ADGRL2: variants seen among roughly 807,000 people sequenced by gnomAD.
ADGRL2 encodes the protein adhesion G protein-coupled receptor L2.
Under a neutral mutation model 157.4 loss-of-function variants are expected in ADGRL2, and 44 were observed. The observed-to-expected ratio is 0.28, with a 90% CI of 0.22 to 0.36. ADGRL2 has a LOEUF of 0.36. Ranked by LOEUF, ADGRL2 falls within the 10% of genes least tolerant of loss-of-function variation. The pLI is 1.00. For synonymous variants in ADGRL2, 585 were observed against 624.7 expected (o/e 0.94, Z 0.95); for missense variants, 1,510 against 1,768.9 (o/e 0.85, Z 2.63).
chr1:81,366,557 C>T, intron 1 of ADGRL2, among the ~76,000 whole-genome samples: 1 of 152,088 alleles, frequency 6.6e-6, no homozygotes, highest in East Asian at 1.9e-4. Flanking sequence ...TCATATACTC[C>T]TTAATATATA....
intron 1 of ADGRL2, among the ~76,000 whole-genome samples, chr1:81,706,914 T>TTATC (rs2083754886): frequency 6.6e-6 from 1 of 152,126 alleles, no homozygotes; most frequent in Admixed American, 6.5e-5. Context: ...ATAAGCTGGG[T>TTATC]GATAAGGACT....
chr1:81,938,140 C>A (rs556594227), intron 4 of ADGRL2, among the ~76,000 whole-genome samples: 1 of 151,878 alleles, frequency 6.6e-6, no homozygotes, highest in South Asian at 2.1e-4. Flanking sequence ...ATCTTTATAT[C>A]ATTTCTCCTG....
chr1:81,785,033 G>C (rs1042326075), intron 2 of ADGRL2, among the ~76,000 whole-genome samples: 2 of 151,880 alleles, frequency 1.3e-5, no homozygotes, highest in Non-Finnish European at 2.9e-5. Flanking sequence ...TGCTTAGTGG[G>C]GGAAAAAAAA....
intron 1 of ADGRL2, among the ~76,000 whole-genome samples, chr1:81,408,923 G>A (rs61774029): frequency 6.6e-6 from 1 of 152,126 alleles, no homozygotes; most frequent in Non-Finnish European, 1.5e-5. Flanking sequence ...TATTTCTTTG[G>A]ATCAAATAGG....
intron 23 of ADGRL2, among the ~76,000 whole-genome samples, chr1:81,989,392 C>T (rs1664102576): frequency 6.6e-6 from 1 of 152,200 alleles, no homozygotes; most frequent in Non-Finnish European, 1.5e-5. Flanking sequence ...ACAGTGGACT[C>T]TGCTGGTTCA....
At chr1:81,825,734 G>T (rs1445105544) in intron 1 of ADGRL2, among the ~76,000 whole-genome samples, 1 of 143,458 alleles carries the variant, frequency 7.0e-6, no homozygotes, top group African/African-American at 2.5e-5. Context: ...TGTACTTTTG[G>T]AGACATTTTA....
At chr1:81,422,905 G>T (rs2077150886) in intron 1 of ADGRL2, among the ~76,000 whole-genome samples, 1 of 152,146 alleles carries the variant, frequency 6.6e-6, no homozygotes, top group African/African-American at 2.4e-5. Flanking sequence ...TCAAATCTAT[G>T]CTGTGTTGTG....
chr1:81,417,238 AT>A (rs1452958706), intron 1 of ADGRL2, among the ~76,000 whole-genome samples: 1 of 152,128 alleles, frequency 6.6e-6, no homozygotes, highest in African/African-American at 2.4e-5. Context: ...GCTAAACATG[AT>A]TTCTTTAAAA....
intron 3 of ADGRL2, among the ~76,000 whole-genome samples, chr1:81,638,786 C>A (rs2082161736): frequency 6.6e-6 from 1 of 152,130 alleles, no homozygotes; most frequent in Non-Finnish European, 1.5e-5. Flanking sequence ...GGGCACAGAA[C>A]AAGGGCAGCA....
At chr1:81,633,595 CAAAAAAAAAA>C (rs369967142) in intron 3 of ADGRL2, among the ~76,000 whole-genome samples, 5 of 50,272 alleles carry the variant, frequency 9.9e-5, no homozygotes, top group South Asian at 9.7e-4. Context: ...GACTCTGTCT[CAAAAAAAAAA>C]AAAAAAAAAA....
intron 3 of ADGRL2, among the ~76,000 whole-genome samples, chr1:81,656,020 C>A (rs934411010): frequency 6.6e-6 from 1 of 152,208 alleles, no homozygotes; most frequent in Non-Finnish European, 1.5e-5. Flanking sequence ...CATACTCCTT[C>A]AAACAGAGTA....
At chr1:81,755,888 C>T (rs2085672363) in intron 1 of ADGRL2, among the ~76,000 whole-genome samples, 1 of 152,124 alleles carries the variant, frequency 6.6e-6, no homozygotes, top group Non-Finnish European at 1.5e-5. Flanking sequence ...CACAGTATGG[C>T]ATCAGCACCA....
intron 3 of ADGRL2, among the ~76,000 whole-genome samples, chr1:81,693,341 ACCTC>A (rs2083380796): frequency 6.6e-6 from 1 of 152,012 alleles, no homozygotes; most frequent in African/African-American, 2.4e-5. Context: ...CCAATCTGCA[ACCTC>A]CCTCCTCTCC....
chr1:81,365,731 T>C (rs1221509277), intron 1 of ADGRL2, among the ~76,000 whole-genome samples: 2 of 152,178 alleles, frequency 1.3e-5, no homozygotes. Flanking sequence ...TGATTCAACA[T>C]TAGCACTTAT....
At chr1:81,602,333 G>A (rs1481003608) in intron 3 of ADGRL2, among the ~76,000 whole-genome samples, 4 of 152,126 alleles carry the variant, frequency 2.6e-5, no homozygotes, top group Admixed American at 6.5e-5. Flanking sequence ...AGAGGCTCAC[G>A]CCTGTAATCC....
In ADGRL2 at chr1:81,682,103, A is replaced by ATGTGTGTGTGTGTGTGTG. The variant is rs57943530; in HGVS notation, c.-142-79696_-142-79679dup. ...GAAAGTTCCATATATATACATATAT[A>ATGTGTGTGTGTGTGTGTG]TGTGTGTGTGTGTGTGTGTGTGTGT... On this transcript the variant is annotated intron_variant, in intron 3 of 24. Transcript: ENST00000370721. Among the ~76,000 whole-genome samples, 231 of 148,032 alleles carry ATGTGTGTGTGTGTGTGTG rather than the reference A, an allele frequency of 1.6e-3. 1 individual carries two copies. Among genetic ancestry groups the ATGTGTGTGTGTGTGTGTG allele is most frequent in the South Asian group, 9.7e-3 (45 of 4,634 alleles).
chr1:81,890,854 G>A (rs935135241), intron 2 of ADGRL2, among the ~76,000 whole-genome samples: 5 of 152,056 alleles, frequency 3.3e-5, no homozygotes, highest in Admixed American at 6.5e-5. Flanking sequence ...GTGAGAAATT[G>A]TATATTTTTA....
intron 3 of ADGRL2, among the ~76,000 whole-genome samples, chr1:81,629,732 CATGT>C (rs1226328396): frequency 6.7e-6 from 1 of 148,992 alleles, no homozygotes; most frequent in East Asian, 2.0e-4. Flanking sequence ...TATGTGCATG[CATGT>C]ATGTGTTTGT....
At chr1:81,420,462 T>C (rs567880537) in intron 1 of ADGRL2, among the ~76,000 whole-genome samples, 1 of 152,346 alleles carries the variant, frequency 6.6e-6, no homozygotes, top group Admixed American at 6.5e-5. Flanking sequence ...AAAATAAGTT[T>C]ATCTTTCATG....
Sources: allele counts gnomAD v4.1 joint callset (sites outside exome capture counted in the v4.1 genomes callset), GRCh38; gene constraint gnomAD v4.1.1; transcripts MANE v1.5; gene names NCBI Gene and HGNC (gene_info 2026-07-23, HGNC 2026-07-21).